Variants in BRWD3 observed in about 807,000 individuals in gnomAD.
The protein encoded by BRWD3 is bromodomain and WD repeat-containing protein 3.
A neutral mutation model predicts 149.7 loss-of-function variants in BRWD3; 10 were observed. The ratio of observed to expected loss-of-function variants is 0.07; its 90% CI spans 0.04 to 0.11. BRWD3 has a LOEUF of 0.11. Ranked by LOEUF, BRWD3 falls within the 10% of genes least tolerant of loss-of-function variation. The pLI is 1.00. For synonymous variants in BRWD3, 504 were observed against 456.7 expected (o/e 1.10, Z -1.32); for missense variants, 940 against 1,373.2 (o/e 0.68, Z 4.99).
At chrX:80,746,503 TAAAA>T (rs755633947) in intron 6 of BRWD3, among the ~76,000 whole-genome samples, 1 of 111,200 alleles carries the variant, frequency 9.0e-6, no homozygotes, top group East Asian at 2.8e-4. Context: ...CTGCTCATGC[TAAAA>T]AACAAATCTT....
chrX:80,719,766 A>G lies in BRWD3; in HGVS notation c.1877-110T>C, dbSNP rs1435565377. ...CACAAATGATTAAAAACAGCATTAA[A>G]CGTAAAATAAAGTATATATCAAATG... On this transcript the variant is annotated intron_variant, in intron 17 of 40. Transcript: ENST00000373275. 8.0e-6 allele frequency: 6 copies of G among 754,443 alleles called. No individual in the cohort carries two copies. In the Admixed American group the frequency reaches 1.2e-4, roughly 15 times the overall value. The allele number at this position is 754,443 out of a possible 1,213,427, so 62.2% of individuals were successfully genotyped here. A position where few individuals can be genotyped will look rare whatever the true frequency, so the allele number is the denominator to read the frequency against.
At chrX:80,796,183 T>G (rs2074237791) in intron 4 of BRWD3, among the ~76,000 whole-genome samples, 1 of 108,734 alleles carries the variant, frequency 9.2e-6, no homozygotes, top group Admixed American at 9.8e-5. Context: ...CAGACTATAA[T>G]GCAGTGGTGC....
At chrX:80,754,284 C>T (rs1256061043) in intron 6 of BRWD3, among the ~76,000 whole-genome samples, 3 of 111,297 alleles carry the variant, frequency 2.7e-5, no homozygotes, top group Non-Finnish European at 5.7e-5. Context: ...CTATTATTGG[C>T]TTCTTGATTT....
At chrX:80,774,243 G>A (rs2073977531) in intron 6 of BRWD3, among the ~76,000 whole-genome samples, 1 of 110,496 alleles carries the variant, frequency 9.1e-6, no homozygotes, top group Non-Finnish European at 1.9e-5. Context: ...GGTTCCTTCA[G>A]ATTTTTTTTA....
chrX:80,726,754 T>C (rs1396431984), intron 14 of BRWD3, among the ~76,000 whole-genome samples: 3 of 110,921 alleles, frequency 2.7e-5, no homozygotes, highest in Non-Finnish European at 5.7e-5. Context: ...TGGCTCAAAA[T>C]GTAGTGTTAA....
intron 6 of BRWD3, among the ~76,000 whole-genome samples, chrX:80,782,018 T>C (rs1020741504): frequency 2.7e-5 from 3 of 111,696 alleles, no homozygotes; most frequent in East Asian, 2.8e-4. Context: ...CTAAAATGTA[T>C]ATGGAACCAC....
chrX:80,744,361 A>T (rs2073561988), intron 7 of BRWD3, 108 bp from the exon 8 acceptor site: 2 of 572,664 alleles, frequency 3.5e-6, no homozygotes, highest in African/African-American at 2.3e-5. Context: ...CTAAGCCTTT[A>T]CTTTCTAGTC....
At chrX:80,682,812 A>G (rs888279726) in intron 37 of BRWD3, among the ~76,000 whole-genome samples, 184 bp from the exon 38 acceptor site, 2 of 111,752 alleles carry the variant, frequency 1.8e-5, no homozygotes, top group African/African-American at 6.5e-5. Flanking sequence ...CAAATATAGT[A>G]TTCAATGTTC....
At chrX:80,746,928 G>A in intron 6 of BRWD3, 5 of 548,928 alleles carry the variant, frequency 9.1e-6, no homozygotes, top group Non-Finnish European at 1.1e-5. Context: ...TCAGTGACAT[G>A]TTGAATATAA....
intron 14 of BRWD3, among the ~76,000 whole-genome samples, chrX:80,727,476 C>A (rs1315317473): frequency 9.0e-6 from 1 of 110,790 alleles, no homozygotes. Flanking sequence ...TCCTATCTAC[C>A]TCAGGACCTT....
At chrX:80,784,532 T>C (rs976169693) in intron 6 of BRWD3, among the ~76,000 whole-genome samples, 1 of 111,120 alleles carries the variant, frequency 9.0e-6, no homozygotes, top group African/African-American at 3.3e-5. Flanking sequence ...TCCTGATGCT[T>C]TCCCTTCCCT....
At chrX:80,740,595 A>T (rs2073471751) in intron 8 of BRWD3, among the ~76,000 whole-genome samples, 1 of 111,728 alleles carries the variant, frequency 9.0e-6, no homozygotes, top group Admixed American at 9.5e-5. Context: ...AAAAAAATAC[A>T]AAATATAGCC....
Position 80,730,117 on chromosome X carries a change from A to C in BRWD3, c.1128-97T>G. Reference sequence around the variant, plus strand: ...ACACATTAGCCCTCACATACTACTGAGGGGAATGTAAAATGGTACAGTCAC... The same window carrying C: ...ACACATTAGCCCTCACATACTACTGCGGGGAATGTAAAATGGTACAGTCAC... On this transcript the variant is annotated intron_variant, in intron 12 of 40. Coordinates refer to ENST00000373275, the MANE Select transcript of BRWD3 (RefSeq NM_153252.5). The C allele has an allele frequency of 5.4e-6, 3 of 555,697 alleles. No individual in the cohort carries two copies. In the South Asian group the frequency reaches 7.7e-5, roughly 14 times the overall value. 45.8% of individuals were successfully genotyped at this position (555,697 alleles called of 1,213,427 possible). A position where few individuals can be genotyped will look rare whatever the true frequency, so the allele number is the denominator to read the frequency against.
chrX:80,720,846 T>C (rs185556297), intron 17 of BRWD3, among the ~76,000 whole-genome samples: 39 of 112,000 alleles, frequency 3.5e-4, no homozygotes, highest in Admixed American at 1.6e-3. Context: ...CTGTACCTTT[T>C]CTGTCTAGAT....
intron 21 of BRWD3, among the ~76,000 whole-genome samples, chrX:80,708,177 C>T (rs770615602): frequency 6.3e-5 from 7 of 111,298 alleles, no homozygotes; most frequent in Non-Finnish European, 1.3e-4. Flanking sequence ...AGGCAGATCA[C>T]CTGAGGTCAG....
intron 17 of BRWD3, among the ~76,000 whole-genome samples, chrX:80,722,087 A>G (rs933936447): frequency 1.8e-5 from 2 of 111,921 alleles, no homozygotes; most frequent in Non-Finnish European, 3.8e-5. Flanking sequence ...ACCTCAAGTA[A>G]TCCACCCGCC....
chrX:80,788,485 G>T (rs1198861952), intron 6 of BRWD3, among the ~76,000 whole-genome samples: 1 of 111,861 alleles, frequency 8.9e-6, no homozygotes, highest in Non-Finnish European at 1.9e-5. Context: ...GACAGTATCA[G>T]AAGATGGTGA....
intron 26 of BRWD3, 56 bp downstream of exon 26, chrX:80,696,683 T>C: frequency 2.6e-6 from 3 of 1,169,794 alleles, no homozygotes; most frequent in African/African-American, 1.8e-5. Flanking sequence ...CTCTAAAATA[T>C]ACAATAGGTA....
rs2072352777 is a variant in BRWD3 at position 80,675,208 on chromosome X, T to G, written c.*1401A>C. On this transcript the variant is annotated 3_prime_UTR_variant, in exon 41 of 41. Coordinates refer to ENST00000373275, the MANE Select transcript of BRWD3 (RefSeq NM_153252.5). Reference sequence around the variant, plus strand: ...AGACAATAAGGGTTTTTAAAGATGTTTTTTATCTATAAAATAATGATTCAC... The same window carrying G: ...AGACAATAAGGGTTTTTAAAGATGTGTTTTATCTATAAAATAATGATTCAC... 8.9e-6 allele frequency: 1 copy of G among 111,894 alleles called. No individual in the cohort carries two copies. Among genetic ancestry groups the G allele is most frequent in the Non-Finnish European group, 1.9e-5 (1 of 53,115 alleles). 9.2% of individuals were successfully genotyped at this position (111,894 alleles called of 1,213,427 possible).
Sources: gnomAD v4.1 joint callset for allele counts (sites outside exome capture counted in the v4.1 genomes callset) on GRCh38, gnomAD v4.1.1 for gene constraint, MANE v1.5 for transcripts, NCBI Gene and HGNC (gene_info 2026-07-23, HGNC 2026-07-21) for gene names.